Variants in ARL15 observed in about 807,000 individuals in gnomAD.
ARL15 encodes the protein ADP-ribosylation factor-like protein 15.
In ARL15, 19 loss-of-function variants were observed where a neutral mutation model predicts 25.2. The ratio of observed to expected loss-of-function variants is 0.75; its 90% CI spans 0.53 to 1.10. The LOEUF is 1.10. Among genes scored for constraint, ARL15 ranks in the 50% least tolerant of loss-of-function variants. The probability of loss-of-function intolerance (pLI) is 0.00; values close to 1 mark genes in which losing one functional copy is unlikely to be tolerated. For missense variants in ARL15, 220 were observed against 246.0 expected, an observed-to-expected ratio of 0.89 and a Z score of 0.71; for synonymous variants, 94 against 86.8, an observed-to-expected ratio of 1.08 and a Z score of -0.46.
intron 1 of ARL15, among the ~76,000 whole-genome samples, chr5:54,306,391 C>CTTTTTTTTTTTTTTTTTTTTTT (rs11338403): frequency 1.5e-5 from 2 of 134,516 alleles, no homozygotes; most frequent in Non-Finnish European, 3.1e-5. Flanking sequence ...AATACGTTAA[C>CTTTTTTTTTTTTTTTTTTTTTT]TTTTTTTTTT....
At chr5:53,999,315 G>A (rs1467680282) in intron 4 of ARL15, among the ~76,000 whole-genome samples, 4 of 152,224 alleles carry the variant, frequency 2.6e-5, no homozygotes, top group Admixed American at 6.5e-5. Flanking sequence ...AAGGCCGGGC[G>A]TGGTGGCTCA....
At chr5:54,077,060 T>C (rs1039564835) in intron 4 of ARL15, among the ~76,000 whole-genome samples, 1 of 152,198 alleles carries the variant, frequency 6.6e-6, no homozygotes, top group East Asian at 1.9e-4. Flanking sequence ...TTCATCATCA[T>C]AAATGAAGAC....
intron 4 of ARL15, among the ~76,000 whole-genome samples, chr5:54,101,038 A>G (rs1290401913): frequency 3.3e-5 from 5 of 152,234 alleles, no homozygotes; most frequent in African/African-American, 1.2e-4. Flanking sequence ...CATTTTCTAT[A>G]GAACCTTAGT....
chr5:54,189,132 C>A, intron 1 of ARL15, among the ~76,000 whole-genome samples: 1 of 151,842 alleles, frequency 6.6e-6, no homozygotes. Context: ...AAAGCTTGTA[C>A]AATAAAAGCC....
At chr5:53,938,443 T>C (rs992301976) in intron 4 of ARL15, among the ~76,000 whole-genome samples, 1 of 152,226 alleles carries the variant, frequency 6.6e-6, no homozygotes, top group Non-Finnish European at 1.5e-5. Flanking sequence ...TCTGCACTCA[T>C]TGTCTTACCA....
At chr5:54,038,360 C>T (rs866339715) in intron 4 of ARL15, among the ~76,000 whole-genome samples, 2 of 152,138 alleles carry the variant, frequency 1.3e-5, no homozygotes, top group South Asian at 4.2e-4. Context: ...TTTTAAAGTG[C>T]ATCTTTACCA....
intron 1 of ARL15, among the ~76,000 whole-genome samples, chr5:54,198,674 A>G (rs1755628003): frequency 1.3e-5 from 2 of 151,216 alleles, no homozygotes; most frequent in Non-Finnish European, 2.9e-5. Context: ...AGAACATTCC[A>G]TGCTCATGGG....
intron 4 of ARL15, among the ~76,000 whole-genome samples, chr5:54,075,073 G>GATAAAAAAAAAAA: frequency 1.6e-5 from 1 of 63,926 alleles, no homozygotes. Context: ...CAGAATACAG[G>GATAAAAAAAAAAA]AAAAAAAAAA....
At chr5:54,104,723 T>G (rs1752540372) in intron 4 of ARL15, among the ~76,000 whole-genome samples, 1 of 152,182 alleles carries the variant, frequency 6.6e-6, no homozygotes, top group African/African-American at 2.4e-5. Context: ...TCAATGGCTA[T>G]GTTTTCAGAA....
intron 4 of ARL15, among the ~76,000 whole-genome samples, chr5:54,081,579 A>C (rs896336485): frequency 2.6e-5 from 4 of 152,110 alleles, no homozygotes; most frequent in African/African-American, 9.7e-5. Context: ...TCTTCTGGTA[A>C]TAGTGAGTTC....
intron 4 of ARL15, among the ~76,000 whole-genome samples, chr5:53,966,125 G>A (rs977453435): frequency 4.6e-5 from 7 of 152,134 alleles, no homozygotes; most frequent in Non-Finnish European, 8.8e-5. Context: ...TTAGAGGAGT[G>A]GAACTTGCAG....
chr5:54,105,920 C>T (rs1054014991), intron 4 of ARL15, among the ~76,000 whole-genome samples: 1 of 152,060 alleles, frequency 6.6e-6, no homozygotes, highest in Non-Finnish European at 1.5e-5. Flanking sequence ...GTACCAGTCT[C>T]TATGTGATAA....
At chr5:54,303,922 T>C (rs986607284) in intron 1 of ARL15, among the ~76,000 whole-genome samples, 2 of 152,114 alleles carry the variant, frequency 1.3e-5, no homozygotes, top group African/African-American at 4.8e-5. Context: ...TCAGTGGCTA[T>C]GACCAGGGTA....
chr5:53,907,476 ATATATATATATATTTTTTTT>A (rs1561143785), intron 4 of ARL15, among the ~76,000 whole-genome samples: 1 of 25,116 alleles, frequency 4.0e-5, no homozygotes, highest in African/African-American at 2.0e-4. Context: ...ATATATATAT[ATATATATATATATTTTTTTT>A]TTTTTTTTTT....
chr5:54,150,526 C>A (rs114858422), intron 3 of ARL15, among the ~76,000 whole-genome samples: 1 of 152,094 alleles, frequency 6.6e-6, no homozygotes, highest in South Asian at 2.1e-4. Context: ...TAGGGATGGG[C>A]GCAGTGGCTT....
chr5:53,906,475 A>G (rs1561143399), intron 4 of ARL15, among the ~76,000 whole-genome samples: 1 of 152,144 alleles, frequency 6.6e-6, no homozygotes, highest in Non-Finnish European at 1.5e-5. Context: ...AAGAGGTACA[A>G]CATAATGGGG....
chr5:53,903,021 T>C (rs138711903), intron 4 of ARL15, among the ~76,000 whole-genome samples: 195 of 152,258 alleles, frequency 1.3e-3, no homozygotes, highest in African/African-American at 4.6e-3. Context: ...AGGAGCCTAA[T>C]ATCCTGGCAA....
At chr5:54,292,714 T>C (rs1758365211) in intron 1 of ARL15, among the ~76,000 whole-genome samples, 2 of 152,184 alleles carry the variant, frequency 1.3e-5, no homozygotes, top group South Asian at 4.1e-4. Context: ...AAAAGGCATT[T>C]ACTAAGGTTC....
intron 4 of ARL15, among the ~76,000 whole-genome samples, chr5:54,090,177 T>C (rs1752089685): frequency 2.0e-5 from 3 of 152,052 alleles, no homozygotes; most frequent in South Asian, 4.1e-4. Flanking sequence ...CAAATGTCCA[T>C]CAACAGTAGA....
Sources: gnomAD v4.1 joint callset for allele counts (sites outside exome capture counted in the v4.1 genomes callset) on GRCh38, gnomAD v4.1.1 for gene constraint, MANE v1.5 for transcripts, NCBI Gene and HGNC (gene_info 2026-07-23, HGNC 2026-07-21) for gene names.